EXOC6B: variants seen among roughly 807,000 people sequenced by gnomAD.
EXOC6B encodes exocyst complex component 6B.
EXOC6B carries 54 observed loss-of-function variants against 113.5 expected under a neutral mutation model. That is an observed-to-expected ratio of 0.48 (90% CI 0.38 to 0.60). The LOEUF is 0.60. EXOC6B is among the 20% of genes least tolerant of loss of function. The pLI, the probability that EXOC6B is intolerant of heterozygous loss-of-function variation, is 0.00. For missense variants in EXOC6B, 797 were observed against 977.5 expected (o/e 0.82, Z 2.46); for synonymous variants, 357 against 339.0 (o/e 1.05, Z -0.58).
At position 72,825,765 on chromosome 2, in the gene EXOC6B, C is replaced by CCCGCCCGTTT. The variant is rs1349351180; in HGVS notation, c.113+32_113+33insAAACGGGCGG. On this transcript the variant is annotated intron_variant, in intron 1 of 21. Coordinates refer to ENST00000272427, the MANE Select transcript of EXOC6B (RefSeq NM_015189.3). The surrounding 1 kb of genome is among the most constrained non-coding windows in gnomAD (Gnocchi z 4.4). The stretch of plus-strand genomic sequence containing the variant: ...AGGAGCCTGCCCCGTCCCGCCCGTT[C>CCCGCCCGTTT]CCGCCCCTCTGTGGTCCCGGCACCC... 6.7e-7 allele frequency: 1 copy of CCCGCCCGTTT among 1,493,708 alleles called. No individual in the cohort carries two copies. Among genetic ancestry groups the CCCGCCCGTTT allele is most frequent in the Non-Finnish European group, 9.2e-7 (1 of 1,087,446 alleles). 92.5% of individuals were successfully genotyped at this position (1,493,708 alleles called of 1,614,324 possible). A position where few individuals can be genotyped will look rare whatever the true frequency, so the allele number is the denominator to read the frequency against.
At chr2:72,446,208 T>C (rs1696567007) in intron 18 of EXOC6B, among the ~76,000 whole-genome samples, 1 of 152,014 alleles carries the variant, frequency 6.6e-6, no homozygotes, top group African/African-American at 2.4e-5. Context: ...GTCCATTCAC[T>C]ATAGAAAAAA....
At chr2:72,708,896 A>ATTTTTTTTTTTTTT (rs1159794341) in intron 6 of EXOC6B, among the ~76,000 whole-genome samples, 1 of 69,790 alleles carries the variant, frequency 1.4e-5, no homozygotes, top group African/African-American at 5.7e-5. Flanking sequence ...CATCCAGCTA[A>ATTTTTTTTTTTTTT]TTTTTTTTTT....
chr2:72,603,734 T>G (rs1016922972), intron 6 of EXOC6B, among the ~76,000 whole-genome samples: 23 of 152,192 alleles, frequency 1.5e-4, no homozygotes, highest in Non-Finnish European at 2.9e-5. Flanking sequence ...TGCGGCCCAC[T>G]GTCAATACTG....
chr2:72,793,192 A>C (rs1022268993), intron 1 of EXOC6B, among the ~76,000 whole-genome samples: 1 of 152,158 alleles, frequency 6.6e-6, no homozygotes, highest in Non-Finnish European at 1.5e-5. Flanking sequence ...AAATGCACCA[A>C]AATTTCTTTA....
chr2:72,691,063 A>G (rs1677446322), intron 6 of EXOC6B, among the ~76,000 whole-genome samples: 1 of 152,180 alleles, frequency 6.6e-6, no homozygotes, highest in East Asian at 1.9e-4. Context: ...GTTCAAGACC[A>G]GCCTGGGAAA....
intron 6 of EXOC6B, among the ~76,000 whole-genome samples, chr2:72,629,564 A>G (rs1672261953): frequency 6.6e-6 from 1 of 152,190 alleles, no homozygotes; most frequent in Non-Finnish European, 1.5e-5. Flanking sequence ...TTCTGATGGA[A>G]AAGCCAGTAT....
intron 6 of EXOC6B, among the ~76,000 whole-genome samples, chr2:72,678,799 A>G (rs1676489195): frequency 2.0e-5 from 3 of 152,250 alleles, no homozygotes; most frequent in African/African-American, 7.2e-5. Flanking sequence ...ACTAACATGT[A>G]TGCATGCACA....
chr2:72,187,446 A>C (rs6705347), intron 20 of EXOC6B, among the ~76,000 whole-genome samples: 14,810 of 151,828 alleles, frequency 0.098, 1,165 homozygotes, highest in African/African-American at 0.22. Flanking sequence ...AGAGGATGAG[A>C]AAAATGAAGA....
chr2:72,804,398 G>A (rs1162140154), intron 1 of EXOC6B, among the ~76,000 whole-genome samples: 1 of 152,088 alleles, frequency 6.6e-6, no homozygotes, highest in Non-Finnish European at 1.5e-5. Flanking sequence ...CTGCTTATTA[G>A]TAAATCATTA....
chr2:72,546,319 C>T (rs1702896150), intron 8 of EXOC6B, among the ~76,000 whole-genome samples: 1 of 152,112 alleles, frequency 6.6e-6, no homozygotes, highest in African/African-American at 2.4e-5. Context: ...CGTGGTGGCA[C>T]GTGCCTGTAA....
chr2:72,180,195 C>T (rs1191809687), intron 21 of EXOC6B, among the ~76,000 whole-genome samples: 1 of 152,196 alleles, frequency 6.6e-6, no homozygotes. Flanking sequence ...TACCCCTGGA[C>T]CTTTGACCTT....
chr2:72,479,945 G>A (rs113097086), intron 17 of EXOC6B, among the ~76,000 whole-genome samples: 3,175 of 152,182 alleles, frequency 0.021, 104 homozygotes, highest in African/African-American at 0.07. Context: ...GTTCATGCCC[G>A]CAATCCCAGC....
At position 72,196,778 on chromosome 2, in the gene EXOC6B, C is replaced by T. The variant is rs556404418; in HGVS notation, c.2197-12591G>A. On this transcript the variant is annotated intron_variant, in intron 20 of 21. Coordinates refer to ENST00000272427, the MANE Select transcript of EXOC6B (RefSeq NM_015189.3). Reference sequence around the variant, plus strand: ...CTTCCTTTGTCATTAAGTTCATTTTCCTCCTTTCAATTCTATTTACTAATT... The same window carrying T: ...CTTCCTTTGTCATTAAGTTCATTTTTCTCCTTTCAATTCTATTTACTAATT... Among the ~76,000 whole-genome samples the T allele has an allele frequency of 2.0e-5, 3 of 152,272 alleles. No individual in the cohort carries two copies. The East Asian group carries it at 5.8e-4, about 29-fold the overall frequency.
intron 18 of EXOC6B, among the ~76,000 whole-genome samples, chr2:72,410,985 G>T (rs1694144152): frequency 6.6e-6 from 1 of 152,198 alleles, no homozygotes. Flanking sequence ...AAGGCCGGTG[G>T]ATAGCCTGAG....
chr2:72,823,035 A>G (rs994814055), intron 1 of EXOC6B, among the ~76,000 whole-genome samples: 1 of 151,740 alleles, frequency 6.6e-6, no homozygotes, highest in Non-Finnish European at 1.5e-5. Flanking sequence ...ATCATCCCCT[A>G]TGAATATGGG....
At chr2:72,711,644 GATAAA>G (rs1679278949) in intron 6 of EXOC6B, among the ~76,000 whole-genome samples, 1 of 151,974 alleles carries the variant, frequency 6.6e-6, no homozygotes, top group Non-Finnish European at 1.5e-5. Flanking sequence ...AATAATAAAT[GATAAA>G]ATAGAACAAT....
chr2:72,596,492 C>G (rs1274285408), intron 6 of EXOC6B, among the ~76,000 whole-genome samples: 1 of 152,124 alleles, frequency 6.6e-6, no homozygotes, highest in Admixed American at 6.5e-5. Context: ...AAAATCCCCT[C>G]CTGCTTCCAG....
chr2:72,618,736 T>G (rs1671556265), intron 6 of EXOC6B, among the ~76,000 whole-genome samples: 1 of 152,238 alleles, frequency 6.6e-6, no homozygotes, highest in Non-Finnish European at 1.5e-5. Flanking sequence ...TTGCTTAACC[T>G]ACATCCATTC....
chr2:72,459,774 T>C (rs1697502795), intron 18 of EXOC6B, among the ~76,000 whole-genome samples: 1 of 152,108 alleles, frequency 6.6e-6, no homozygotes, highest in Non-Finnish European at 1.5e-5. Context: ...AAAATGGCCA[T>C]ACTGCCCAAG....
Sources: gnomAD v4.1 joint callset for allele counts (sites outside exome capture counted in the v4.1 genomes callset) on GRCh38, gnomAD v4.1.1 for gene constraint, Gnocchi (gnomAD v3.1) non-coding constraint, MANE v1.5 for transcripts, NCBI Gene and HGNC (gene_info 2026-07-23, HGNC 2026-07-21) for gene names.